Variants in NOTCH3 observed in about 807,000 individuals in gnomAD.
The protein encoded by NOTCH3 is neurogenic locus notch homolog protein 3.
NOTCH3 carries 86 observed loss-of-function variants against 213.3 expected under a neutral mutation model. The observed-to-expected ratio is 0.40, with a 90% CI of 0.34 to 0.48. The LOEUF (loss-of-function observed/expected upper bound fraction) is 0.48, where lower values mean the gene tolerates loss of function less well. Among genes scored for constraint, NOTCH3 ranks in the 20% least tolerant of loss-of-function variants. The probability of loss-of-function intolerance (pLI) is 0.57; values close to 1 mark genes in which losing one functional copy is unlikely to be tolerated. For synonymous variants in NOTCH3, 1,354 were observed against 1,355.9 expected, an observed-to-expected ratio of 1.00 and a Z score of 0.03; for missense variants, 2,783 against 3,272.6, an observed-to-expected ratio of 0.85 and a Z score of 3.65.
chr19:15,195,801 C>A (rs989524511), intron 2 of NOTCH3, among the ~76,000 whole-genome samples: 4 of 151,504 alleles, frequency 2.6e-5, no homozygotes, highest in African/African-American at 9.7e-5. Flanking sequence ...GGCCCCCTCC[C>A]GACGCCCCGG....
At chr19:15,186,812 G>A in intron 12 of NOTCH3, 66 bp downstream of exon 12, 1 of 1,285,690 alleles carries the variant, frequency 7.8e-7, no homozygotes, top group Non-Finnish European at 1.1e-6. Flanking sequence ...GGCAAAACAG[G>A]CCCACAGAGA....
At position 15,198,359 on chromosome 19, in the gene NOTCH3, G is replaced by C. The variant is rs184520449; in HGVS notation, c.119-781C>G. On this transcript the variant is annotated intron_variant, in intron 1 of 32. Coordinates refer to ENST00000263388, the MANE Select transcript of NOTCH3 (RefSeq NM_000435.3). ...TGTCCATGCATGCTCTTGTCAGAGA[G>C]AGGGTGATGGAGAGAGGAAGGAAGA... 5.9e-5 allele frequency among the ~76,000 whole-genome samples: 9 copies of C among 152,360 alleles called. No individual in the cohort carries two copies. In the East Asian group the frequency reaches 1.3e-3, roughly 23 times the overall value.
chr19:15,185,087 C>T lies in NOTCH3; in HGVS notation c.2297-68G>A. On this transcript the variant is annotated intron_variant, in intron 14 of 32. Coordinates refer to ENST00000263388, the MANE Select transcript of NOTCH3 (RefSeq NM_000435.3). The surrounding 1 kb of genome is among the most constrained non-coding windows in gnomAD (Gnocchi z 4.2). ...GACTCCCTGATCCCATCTCCCCCCA[C>T]CTCCCCCAACCCCAGGGTCCCCACC... is the stretch of plus-strand genomic sequence containing the variant. 3 of 1,228,634 alleles carry T rather than the reference C, an allele frequency of 2.4e-6. No individual in the cohort carries two copies. The highest frequency in any genetic ancestry group is 3.4e-6 in the Non-Finnish European group (3 of 877,508). 76.1% of individuals were successfully genotyped at this position (1,228,634 alleles called of 1,614,324 possible). A position where few individuals can be genotyped will look rare whatever the true frequency, so the allele number is the denominator to read the frequency against.
chr19:15,184,251 T>C (rs1234742656), intron 16 of NOTCH3, 44 bp downstream of exon 16: 2 of 1,590,364 alleles, frequency 1.3e-6, no homozygotes, highest in Non-Finnish European at 1.7e-6. Flanking sequence ...GCTTAATGAC[T>C]GTGTTCCCCA....
At position 15,187,909 on chromosome 19, in the gene NOTCH3, G is replaced by A. The variant is rs775208731; in HGVS notation, c.1578C>T (p.Pro526=). ...CGGCACAGCGGCACTCGTAGCCATC[G>A]GGCTGGTCCACGCATTTGGCGCCAT... is the stretch of plus-strand genomic sequence containing the variant. The part of the protein sequence containing the change: ...CRNGAKCVDQ[P]DGYECRCAEG... Residue 526 remains proline, a synonymous_variant, in exon 10 of 33, where the codon CCC becomes CCT. Coordinates refer to ENST00000263388, the MANE Select transcript of NOTCH3 (RefSeq NM_000435.3). 4.5e-6 allele frequency: 7 copies of A among 1,549,534 alleles called. No individual in the cohort carries two copies. Among genetic ancestry groups the A allele is most frequent in the African/African-American group, 4.1e-5 (3 of 72,976 alleles).
At chr19:15,167,543 A>G in intron 28 of NOTCH3, 132 bp from the exon 29 acceptor site, 1 of 790,228 alleles carries the variant, frequency 1.3e-6, no homozygotes, top group Non-Finnish European at 2.0e-6. Flanking sequence ...GAAATCATTT[A>G]CCATCTGTTT....
At position 15,179,494 on chromosome 19, in the gene NOTCH3, A is replaced by T. The variant is rs772567703; in HGVS notation, c.3330T>A (p.Cys1110Ter). 6.2e-7 allele frequency: 1 copy of T among 1,613,920 alleles called. No individual in the cohort carries two copies. Among genetic ancestry groups the T allele is most frequent in the Non-Finnish European group, 8.5e-7 (1 of 1,179,998 alleles). The change falls in exon 21 of 33, where the codon TGT becomes TGA. Residue 1110 changes from cysteine to a stop codon, truncating the protein, a stop_gained and splice_region_variant. Coordinates refer to ENST00000263388, the MANE Select transcript of NOTCH3 (RefSeq NM_000435.3). LOFTEE classifies it high-confidence loss of function. ...AGTTATCACCATTGTAGCCAGGAAG[A>T]CACTTCAGTGGGGTAAGAGAGGGAC... is the stretch of plus-strand genomic sequence containing the variant. ...RGYMGGYMCECLPGYNGDNCE... is the reference protein window; with the variant it reads ...RGYMGGYMCE
At chr19:15,175,520 G>C (rs1439521057) in intron 24 of NOTCH3, among the ~76,000 whole-genome samples, 1 of 108,306 alleles carries the variant, frequency 9.2e-6, no homozygotes, top group Admixed American at 1.2e-4. Flanking sequence ...GGCAATGGGA[G>C]AGAAATCCTG....
intron 24 of NOTCH3, among the ~76,000 whole-genome samples, chr19:15,176,159 A>ATT (rs34620350): frequency 9.7e-4 from 116 of 119,938 alleles, no homozygotes; most frequent in East Asian, 2.1e-3. Context: ...AACAAAAGCA[A>ATT]TTTTTTTTTT....
chr19:15,180,615 A>G (rs1685609840), intron 19 of NOTCH3, 66 bp downstream of exon 19: 2 of 1,517,976 alleles, frequency 1.3e-6, no homozygotes, highest in African/African-American at 2.8e-5. Context: ...GGCTCACACT[A>G]GCAGGAGGTA....
At position 15,186,977 on chromosome 19, in the gene NOTCH3, C is replaced by T. The variant is rs748963864; in HGVS notation, c.1852G>A (p.Glu618Lys). 9.3e-6 allele frequency: 15 copies of T among 1,614,050 alleles called. No homozygotes were observed. The highest frequency in any genetic ancestry group is 3.3e-5 in the Admixed American group (2 of 59,992). The change falls in exon 12 of 33, where the codon GAA (glutamate) becomes AAA (lysine). Residue 618 changes from glutamate (E) to lysine (K), a missense_variant. This residue lies in a region of NOTCH3 where 708 missense variants were observed against 906.6 expected (regional missense o/e 0.78). Transcript: ENST00000263388. ...CPSGTTGVNCEVNIDDCASNP... is the reference protein window; with the variant it reads ...CPSGTTGVNCKVNIDDCASNP... The stretch of plus-strand genomic sequence containing the variant: ...CTGGCACAGTCGTCAATGTTCACTT[C>T]GCAGTTCACACCTAGGGGCCAGGAA...
At chr19:15,173,104 C>CT (rs1162467192) in intron 25 of NOTCH3, among the ~76,000 whole-genome samples, 5 of 19,244 alleles carry the variant, frequency 2.6e-4, no homozygotes, top group Admixed American at 1.8e-3. Context: ...TCTTCTTCTT[C>CT]TTTTTTTTTT....
In NOTCH3 at chr19:15,165,547, T is replaced by A. The variant is rs769346734; in HGVS notation, c.5668-32A>T. The A allele has an allele frequency of 6.2e-7, 1 of 1,606,438 alleles. No individual in the cohort carries two copies. The highest frequency in any genetic ancestry group is 1.1e-5 in the South Asian group (1 of 90,910). ...CAGAGAGTGGATGCAGCAGGAGGGGTCATGGCAGGAACAGAGGAATCAGGA... is the reference window on the plus strand; with the variant it reads ...CAGAGAGTGGATGCAGCAGGAGGGGACATGGCAGGAACAGAGGAATCAGGA... On this transcript the variant is annotated intron_variant, in intron 30 of 32. Coordinates refer to ENST00000263388, the MANE Select transcript of NOTCH3 (RefSeq NM_000435.3). The surrounding 1 kb of genome is among the most constrained non-coding windows in gnomAD (Gnocchi z 4.7).
chr19:15,161,509 C>T lies in NOTCH3; in HGVS notation c.6119G>A (p.Gly2040Glu). ...GGCCCCTGGAGGACAGAGCAGAGGCCCCAGGCCGTGGGGACCGGGGGGGCT... is the reference window on the plus strand; with the variant it reads ...GGCCCCTGGAGGACAGAGCAGAGGCTCCAGGCCGTGGGGACCGGGGGGGCT... ...PRSPPGPHGL[G>E]PLLCPPGAFL... Residue 2040 changes from glycine (G) to glutamate (E), a missense_variant, in exon 33 of 33, where the codon GGG (glycine) becomes GAG (glutamate). Physicochemically the swap from Gly to Glu is moderately conservative, Grantham distance 98 (BLOSUM62 -2). This residue lies in a region of NOTCH3 where 441 missense variants were observed against 432.1 expected (regional missense o/e 1.02). Coordinates refer to ENST00000263388, the MANE Select transcript of NOTCH3 (RefSeq NM_000435.3). The T allele has an allele frequency of 6.3e-7, 1 of 1,591,822 alleles. No individual in the cohort carries two copies. The highest frequency in any genetic ancestry group is 8.6e-7 in the Non-Finnish European group (1 of 1,169,420).
At position 15,180,693 on chromosome 19, in the gene NOTCH3, C is replaced by A. The variant is rs767672719; in HGVS notation, c.3130G>T (p.Ala1044Ser). The change falls in exon 19 of 33, where the codon GCA becomes TCA. Residue 1044 changes from alanine (A) to serine (S), a missense_variant. Ala to Ser is a moderately conservative substitution (Grantham distance 99). This residue lies in a region of NOTCH3 where 861 missense variants were observed against 909.1 expected (regional missense o/e 0.95). Coordinates refer to ENST00000263388, the MANE Select transcript of NOTCH3 (RefSeq NM_000435.3). ...DIRSLPCREA[A>S]AQIGVRLEQL... is the part of the protein sequence containing the mutation. ...TGCTCCCACTCACCGATCTGGGCTG[C>A]GGCCTCCCTGCAGGGCAAGCTTCGG... 7.1e-6 allele frequency: 11 copies of A among 1,555,798 alleles called. No individual in the cohort carries two copies. In the South Asian group the frequency reaches 1.2e-4, roughly 17 times the overall value.
Position 15,187,213 on chromosome 19 carries a change from G to A in NOTCH3, c.1732C>T (p.Arg578Cys), listed in dbSNP as rs769773673. ...CACAPGYTGT[R>C]CESQVDECRS... ...CATTCGTCCACCTGGCTCTCGCAGC[G>A]TGTGCCCGTGTAGCCAGGAGCACAG... is the stretch of plus-strand genomic sequence containing the variant. The change falls in exon 11 of 33, where the codon CGC (arginine) becomes TGC (cysteine). Residue 578 changes from arginine to cysteine, a missense_variant. Coordinates refer to ENST00000263388, the MANE Select transcript of NOTCH3 (RefSeq NM_000435.3). The A allele has an allele frequency of 2.2e-5, 36 of 1,613,988 alleles. No homozygotes were observed. The highest frequency in any genetic ancestry group is 1.0e-4 in the Admixed American group (6 of 60,008).
At chr19:15,187,790 GC>G (rs2046895747) in intron 10 of NOTCH3, 90 bp downstream of exon 10, 2 of 1,049,738 alleles carry the variant, frequency 1.9e-6, no homozygotes, top group East Asian at 2.6e-5. Flanking sequence ...CTACAACCCC[GC>G]CCCCAAGCTC....
intron 29 of NOTCH3, among the ~76,000 whole-genome samples, 188 bp downstream of exon 29, chr19:15,167,061 C>T (rs544560722): frequency 6.6e-6 from 1 of 152,136 alleles, no homozygotes; most frequent in African/African-American, 2.4e-5. Context: ...TTGATAAATC[C>T]CTTGTTTTAC....
chr19:15,177,071 T>A (rs1599377918), intron 24 of NOTCH3, among the ~76,000 whole-genome samples: 4 of 79,142 alleles, frequency 5.1e-5, no homozygotes, highest in South Asian at 6.2e-4. Context: ...GACTCCGTCT[T>A]AAAAAAAAAA....
Sources: gnomAD v4.1 joint callset for allele counts (sites outside exome capture counted in the v4.1 genomes callset) on GRCh38, gnomAD v4.1.1 for gene constraint, gnomAD v4.1.1 regional missense constraint, Gnocchi (gnomAD v3.1) non-coding constraint, MANE v1.5 for transcripts, NCBI Gene and HGNC (gene_info 2026-07-23, HGNC 2026-07-21) for gene names.